GBF1: variants seen among roughly 807,000 people sequenced by gnomAD.
The protein encoded by GBF1 is Golgi-specific brefeldin A-resistance guanine nucleotide exchange factor 1.
Under a neutral mutation model 210.5 loss-of-function variants are expected in GBF1, and 114 were observed. The observed-to-expected ratio is 0.54, with a 90% CI of 0.47 to 0.63. The LOEUF (loss-of-function observed/expected upper bound fraction) is 0.63, where lower values mean the gene tolerates loss of function less well. Among genes scored for constraint, GBF1 ranks in the 30% least tolerant of loss-of-function variants. GBF1 has a pLI of 0.00. For synonymous variants in GBF1, 850 were observed against 889.2 expected, an observed-to-expected ratio of 0.96 and a Z score of 0.78; for missense variants, 1,851 against 2,357.7, an observed-to-expected ratio of 0.79 and a Z score of 4.45.
At chr10:102,346,086 T>A (rs200562980) in intron 4 of GBF1, among the ~76,000 whole-genome samples, 2 of 120,490 alleles carry the variant, frequency 1.7e-5, no homozygotes, top group Non-Finnish European at 3.9e-5. Context: ...TATTAATAAT[T>A]TTTTTAATTT....
intron 3 of GBF1, among the ~76,000 whole-genome samples, chr10:102,266,571 A>G (rs537076507): frequency 3.9e-4 from 60 of 152,214 alleles, no homozygotes; most frequent in Non-Finnish European, 3.5e-4. Context: ...TATGGTCCCT[A>G]TCAGGCATGG....
At chr10:102,368,646 G>T in intron 22 of GBF1, 93 bp from the exon 23 acceptor site, 1 of 930,668 alleles carries the variant, frequency 1.1e-6, no homozygotes, top group South Asian at 1.4e-5. Flanking sequence ...TCCTGGGACT[G>T]ACTGGGGAAG....
rs183522490 is a variant in GBF1 at position 102,330,684 on chromosome 10, C to G, written c.164-13367C>G. Among the ~76,000 whole-genome samples, 377 of 151,046 alleles carry G rather than the reference C, an allele frequency of 2.5e-3. 1 individual carries two copies. Among genetic ancestry groups the G allele is most frequent in the Non-Finnish European group, 4.1e-3 (276 of 67,824 alleles). ...CTGGGCAACAAGAGCAAAATTCCAT[C>G]TCAAAAAAAAAATAAATAAAAATAA... is the stretch of plus-strand genomic sequence containing the variant. On this transcript the variant is annotated intron_variant, in intron 3 of 39. Coordinates refer to ENST00000369983, the MANE Select transcript of GBF1 (RefSeq NM_001377137.1).
rs1480617252 is a variant in GBF1, at chr10:102,369,763, C to T, written c.3203C>T (p.Thr1068Ile). 3.1e-6 allele frequency: 5 copies of T among 1,614,122 alleles called. No individual in the cohort carries two copies. In the Admixed American group the frequency reaches 5.0e-5, roughly 16 times the overall value. The change falls in exon 25 of 40, where the codon ACA (threonine) becomes ATA (isoleucine). Residue 1068 changes from threonine to isoleucine, a missense_variant. Thr to Ile is a moderately conservative substitution (Grantham distance 89). Coordinates refer to ENST00000369983, the MANE Select transcript of GBF1 (RefSeq NM_001377137.1). ...AAGATCTCTCTACAGCGGGAAGAGA[C>T]ACCATCAAACCGGTAAGAGCAGACC... ...NGKISLQREE[T>I]PSNRGESTVL...
intron 3 of GBF1, among the ~76,000 whole-genome samples, chr10:102,338,169 A>T (rs957389911): frequency 6.6e-6 from 1 of 151,766 alleles, no homozygotes; most frequent in Admixed American, 6.6e-5. Flanking sequence ...TCTATAAAGC[A>T]CTGACTTACC....
chr10:102,264,003 G>C (rs1589414470), intron 3 of GBF1, among the ~76,000 whole-genome samples: 1 of 152,132 alleles, frequency 6.6e-6, no homozygotes, highest in African/African-American at 2.4e-5. Flanking sequence ...GGGCTGGGAG[G>C]GGGTATGGAG....
chr10:102,356,581 C>T (rs903507352), intron 8 of GBF1, among the ~76,000 whole-genome samples: 88 of 151,914 alleles, frequency 5.8e-4, no homozygotes, highest in Non-Finnish European at 9.1e-4. Flanking sequence ...CTGGCTAGCA[C>T]GGTGAAACCC....
At chr10:102,315,198 T>C (rs1382744467) in intron 3 of GBF1, among the ~76,000 whole-genome samples, 1 of 152,222 alleles carries the variant, frequency 6.6e-6, no homozygotes, top group African/African-American at 2.4e-5. Context: ...AAACATCAGT[T>C]GAAGACTACT....
chr10:102,240,668 A>G (rs1468095841), upstream of GBF1, among the ~76,000 whole-genome samples: 1 of 152,172 alleles, frequency 6.6e-6, no homozygotes, highest in Non-Finnish European at 1.5e-5. Context: ...TGCACCGCGG[A>G]CATTCTGTCC....
intron 4 of GBF1, among the ~76,000 whole-genome samples, chr10:102,346,116 G>T (rs2058551060): frequency 6.6e-6 from 1 of 151,890 alleles, no homozygotes; most frequent in Non-Finnish European, 1.5e-5. Flanking sequence ...GTAGAGACGG[G>T]GTTTCACCAT....
intron 1 of GBF1, among the ~76,000 whole-genome samples, chr10:102,251,758 G>C (rs923256717): frequency 2.0e-5 from 3 of 152,088 alleles, no homozygotes. Context: ...GTCTCGCCAT[G>C]TTGCCTAAGC....
chr10:102,337,295 G>GCGAACCCA (rs1554967654), intron 3 of GBF1, among the ~76,000 whole-genome samples: 149,783 of 150,354 alleles, frequency 1, 74,615 homozygotes, highest in Middle Eastern at 1. Flanking sequence ...GAAGAATGGT[G>GCGAACCCA]CGTGGGGGAG....
chr10:102,382,169 C>T lies in GBF1; in HGVS notation c.5416C>T (p.Gln1806Ter), dbSNP rs2060899880. ...CCCCGACGGGCCTCCACCCTTGGCT[C>T]AGCCCCCACTGATCCTGCAGCCCTT... ...PTPDGPPPLA[Q>*]PPLILQPLAS... is the part of the protein sequence containing the mutation. Residue 1806 changes from glutamine to a stop codon, truncating the protein, a stop_gained, in exon 40 of 40, where the codon CAG (glutamine) becomes TAG (stop). Transcript: ENST00000369983. LOFTEE classifies it high-confidence loss of function. 6.2e-7 allele frequency: 1 copy of T among 1,613,792 alleles called. No homozygotes were observed. Among genetic ancestry groups the T allele is most frequent in the Non-Finnish European group, 8.5e-7 (1 of 1,179,752 alleles).
rs1299997613 is a variant in GBF1, at chr10:102,370,385, C to T, written c.3413C>T (p.Ala1138Val). 3 of 1,601,274 alleles carry T rather than the reference C, an allele frequency of 1.9e-6. No individual in the cohort carries two copies. The African/African-American group carries it at 4.0e-5, about 21-fold the overall frequency. The change falls in exon 28 of 40, where the codon GCT becomes GTT. Residue 1138 changes from alanine to valine, a missense_variant and splice_region_variant. By Grantham distance (64) the Ala-to-Val change is moderately conservative. Around this residue, in one of 3 missense-constraint regions of GBF1, gnomAD observed 967 missense variants for 1,247.7 expected, o/e 0.78. Transcript: ENST00000369983. The part of the protein sequence containing the change: ...QLESLQELMK[A>V]LVSVTPDEET... ...TTTCCTGCTGCTGTTCCCCTTCAGG[C>T]TCTGGTCTCAGTGACACCAGATGAA...
intron 30 of GBF1, among the ~76,000 whole-genome samples, 156 bp downstream of exon 30, chr10:102,375,740 A>G (rs1040621861): frequency 6.6e-6 from 1 of 151,982 alleles, no homozygotes; most frequent in Non-Finnish European, 1.5e-5. Flanking sequence ...GCTGGCTAGT[A>G]CCCATAAGTT....
At chr10:102,274,805 G>C (rs990376787) in intron 3 of GBF1, among the ~76,000 whole-genome samples, 2 of 140,070 alleles carry the variant, frequency 1.4e-5, no homozygotes, top group Non-Finnish European at 3.0e-5. Context: ...TCTGCCTCCC[G>C]GGCTCAAGTA....
Position 102,381,181 on chromosome 10 carries a change from C to G in GBF1, c.5228C>G (p.Thr1743Ser). The G allele has an allele frequency of 6.2e-7, 1 of 1,613,900 alleles. No homozygotes were observed. The highest frequency in any genetic ancestry group is 1.1e-5 in the South Asian group (1 of 91,082). Residue 1743 changes from threonine to serine, a missense_variant, in exon 39 of 40, where the codon ACT (threonine) becomes AGT (serine). Coordinates refer to ENST00000369983, the MANE Select transcript of GBF1 (RefSeq NM_001377137.1). ...AAGCCTCTCGCCTCAGCCCACCTGA[C>G]TTCCGCTGCTGGCGACACTAGGACA... ...GQKPLASAHL[T>S]SAAGDTRTPG...
At position 102,366,026 on chromosome 10, in the gene GBF1, A is replaced by C. The variant is rs929551420; in HGVS notation, c.2310-357A>C. 1.4e-4 allele frequency among the ~76,000 whole-genome samples: 21 copies of C among 151,862 alleles called. No homozygotes were observed. The highest frequency in any genetic ancestry group is 7.4e-5 in the Non-Finnish European group (5 of 68,012). On this transcript the variant is annotated intron_variant, in intron 18 of 39. Coordinates refer to ENST00000369983, the MANE Select transcript of GBF1 (RefSeq NM_001377137.1). The surrounding 1 kb of genome is among the most constrained non-coding windows in gnomAD (Gnocchi z 4.0). ...ACATCCCTACCTCAAAGCGGTCTCTATAAATTTCTTCTGGAGACCCTAGCC... is the reference window on the plus strand; with the variant it reads ...ACATCCCTACCTCAAAGCGGTCTCTCTAAATTTCTTCTGGAGACCCTAGCC...
intron 3 of GBF1, among the ~76,000 whole-genome samples, chr10:102,276,388 T>C (rs1194251274): frequency 2.6e-5 from 4 of 151,484 alleles, no homozygotes; most frequent in Non-Finnish European, 4.4e-5. Context: ...TAGCTGGGCA[T>C]GGTGGCGGGC....
Sources: gnomAD v4.1 joint callset for allele counts (sites outside exome capture counted in the v4.1 genomes callset) on GRCh38, gnomAD v4.1.1 for gene constraint, gnomAD v4.1.1 regional missense constraint, Gnocchi (gnomAD v3.1) non-coding constraint, MANE v1.5 for transcripts, NCBI Gene and HGNC (gene_info 2026-07-23, HGNC 2026-07-21) for gene names.